The following RAB3C variants were observed in gnomAD, a reference collection of about 807,000 sequenced individuals.
The protein encoded by RAB3C is ras-related protein Rab-3C.
RAB3C carries 17 observed loss-of-function variants against 26.4 expected under a neutral mutation model. The observed-to-expected ratio is 0.64, with a 90% CI of 0.44 to 0.97. The LOEUF (loss-of-function observed/expected upper bound fraction) is 0.97. Ranked by LOEUF, RAB3C falls within the 50% of genes least tolerant of loss-of-function variation. The pLI, the probability that RAB3C is intolerant of heterozygous loss-of-function variation, is 0.00. For missense variants in RAB3C, 242 were observed against 281.9 expected (o/e 0.86, Z 1.01); for synonymous variants, 91 against 95.9 (o/e 0.95, Z 0.30).
chr5:58,771,042 G>A (rs545921267), intron 3 of RAB3C, among the ~76,000 whole-genome samples: 2 of 152,196 alleles, frequency 1.3e-5, no homozygotes, highest in African/African-American at 2.4e-5. Flanking sequence ...GGCCCATAGA[G>A]CAATAAATGT....
At chr5:58,758,366 A>T (rs1265234877) in intron 3 of RAB3C, among the ~76,000 whole-genome samples, 2 of 152,216 alleles carry the variant, frequency 1.3e-5, no homozygotes, top group Non-Finnish European at 1.5e-5. Context: ...GAATACTTAC[A>T]ATATGCCACA....
chr5:58,703,012 G>T (rs1163712569), intron 2 of RAB3C, among the ~76,000 whole-genome samples: 1 of 152,090 alleles, frequency 6.6e-6, no homozygotes, highest in Non-Finnish European at 1.5e-5. Flanking sequence ...TTGGTTTAAT[G>T]AATATTCAGG....
intron 2 of RAB3C, among the ~76,000 whole-genome samples, chr5:58,658,376 G>C (rs1747823949): frequency 6.6e-6 from 1 of 152,148 alleles, no homozygotes; most frequent in Non-Finnish European, 1.5e-5. Flanking sequence ...GGGCTGAGAC[G>C]ATGGGGTTTT....
intron 3 of RAB3C, among the ~76,000 whole-genome samples, chr5:58,811,694 G>A (rs935052149): frequency 2.0e-5 from 3 of 150,834 alleles, no homozygotes; most frequent in Admixed American, 2.0e-4. Context: ...GCTTAACCAT[G>A]TCCCACCCCC....
intron 2 of RAB3C, among the ~76,000 whole-genome samples, chr5:58,629,666 G>A (rs1747150115): frequency 6.6e-6 from 1 of 152,174 alleles, no homozygotes; most frequent in Non-Finnish European, 1.5e-5. Flanking sequence ...GTTTATGTAT[G>A]CCCTGGTTGC....
chr5:58,648,242 T>G (rs1422622643), intron 2 of RAB3C, among the ~76,000 whole-genome samples: 1 of 152,222 alleles, frequency 6.6e-6, no homozygotes. Context: ...AATTTACTTT[T>G]TCTCAGCACA....
At chr5:58,636,655 A>G (rs1747295505) in intron 2 of RAB3C, among the ~76,000 whole-genome samples, 1 of 152,212 alleles carries the variant, frequency 6.6e-6, no homozygotes, top group Non-Finnish European at 1.5e-5. Context: ...TTAGAAAAGA[A>G]CAAATAAAGA....
At chr5:58,716,007 T>G (rs1407197673) in intron 2 of RAB3C, among the ~76,000 whole-genome samples, 1 of 144,838 alleles carries the variant, frequency 6.9e-6, no homozygotes, top group Non-Finnish European at 1.5e-5. Flanking sequence ...TGTGCACATG[T>G]ACCCTATAAC....
chr5:58,639,213 GA>G (rs1414176551), intron 2 of RAB3C, among the ~76,000 whole-genome samples: 1 of 152,082 alleles, frequency 6.6e-6, no homozygotes. Flanking sequence ...TAGGAAAGGA[GA>G]AAAAGACAAT....
intron 3 of RAB3C, among the ~76,000 whole-genome samples, chr5:58,784,566 CTT>C (rs1742336413): frequency 6.6e-6 from 1 of 151,560 alleles, no homozygotes; most frequent in Non-Finnish European, 1.5e-5. Context: ...TGTATTGCTG[CTT>C]TTTCATTAAA....
intron 2 of RAB3C, among the ~76,000 whole-genome samples, chr5:58,641,621 G>T (rs1490358524): frequency 6.6e-6 from 1 of 152,184 alleles, no homozygotes; most frequent in East Asian, 1.9e-4. Flanking sequence ...TCTGACTAGT[G>T]AGTTGGGAGA....
intron 4 of RAB3C, among the ~76,000 whole-genome samples, chr5:58,829,320 T>TA (rs1248206021): frequency 6.6e-6 from 1 of 152,144 alleles, no homozygotes; most frequent in Non-Finnish European, 1.5e-5. Context: ...ATCTCATAAT[T>TA]TAAGTTTTAA....
intron 2 of RAB3C, among the ~76,000 whole-genome samples, chr5:58,670,357 G>GA (rs949135421): frequency 5.3e-5 from 8 of 151,548 alleles, no homozygotes; most frequent in Admixed American, 2.0e-4. Flanking sequence ...TATAATTTAA[G>GA]AAAAAAATTT....
chr5:58,744,056 G>A (rs529466015), intron 3 of RAB3C, among the ~76,000 whole-genome samples: 38 of 152,266 alleles, frequency 2.5e-4, no homozygotes, highest in East Asian at 9.7e-4. Flanking sequence ...ATAGACACAT[G>A]GCATAGAGTC....
rs77431178 is a variant in RAB3C at position 58,846,710 on chromosome 5, C to T, written c.497-4454C>T. The stretch of plus-strand genomic sequence containing the variant: ...TTAGGTGATTCTAATGAGGGTGAAC[C>T]TCCAATCCTATGAAGTCAGGGTGTA... On this transcript the variant is annotated intron_variant, in intron 4 of 4. Transcript: ENST00000282878. Among the ~76,000 whole-genome samples, 207 of 152,002 alleles carry T rather than the reference C, an allele frequency of 1.4e-3. 1 individual carries two copies. The East Asian group carries it at 0.019, about 14-fold the overall frequency.
intron 2 of RAB3C, among the ~76,000 whole-genome samples, chr5:58,660,991 CAG>C (rs71751720): frequency 0.12 from 17,919 of 149,792 alleles, 1,475 homozygotes; most frequent in Non-Finnish European, 0.16. Flanking sequence ...CTCTCTCACA[CAG>C]AGAGGTATGC....
chr5:58,714,764 C>A, intron 2 of RAB3C, among the ~76,000 whole-genome samples: 1 of 149,910 alleles, frequency 6.7e-6, no homozygotes, highest in Admixed American at 6.7e-5. Flanking sequence ...GGCATAACTT[C>A]CAAATTAATA....
chr5:58,843,166 G>T (rs1189885704), intron 4 of RAB3C, among the ~76,000 whole-genome samples: 1 of 152,204 alleles, frequency 6.6e-6, no homozygotes, highest in Non-Finnish European at 1.5e-5. Flanking sequence ...TGTGCATATA[G>T]TATGTACTTA....
intron 3 of RAB3C, among the ~76,000 whole-genome samples, chr5:58,819,411 A>G (rs1443574556): frequency 1.3e-5 from 2 of 152,198 alleles, no homozygotes; most frequent in African/African-American, 2.4e-5. Context: ...CAAAATATGC[A>G]TAACTGTGGG....
Sources: gnomAD v4.1 joint callset for allele counts (sites outside exome capture counted in the v4.1 genomes callset) on GRCh38, gnomAD v4.1.1 for gene constraint, MANE v1.5 for transcripts, NCBI Gene and HGNC (gene_info 2026-07-23, HGNC 2026-07-21) for gene names.